The following HS3ST5 variants were observed in gnomAD, a reference collection of about 807,000 sequenced individuals.
HS3ST5 encodes heparan sulfate glucosamine 3-O-sulfotransferase 5.
In HS3ST5, 10 loss-of-function variants were observed where a neutral mutation model predicts 25.4. That is an observed-to-expected ratio of 0.39 (90% confidence interval 0.24 to 0.67). The LOEUF (loss-of-function observed/expected upper bound fraction) is 0.67. Among genes scored for constraint, HS3ST5 ranks in the 30% least tolerant of loss-of-function variants. The pLI is 0.44. For missense variants in HS3ST5, 324 were observed against 420.7 expected (o/e 0.77, Z 2.01); for synonymous variants, 170 against 162.4 (o/e 1.05, Z -0.36).
chr6:114,084,678 TA>T, intron 3 of HS3ST5: 2 of 1,245,586 alleles, frequency 1.6e-6, no homozygotes, highest in Non-Finnish European at 2.3e-6. Flanking sequence ...CTGGGGTCAG[TA>T]ACCACAAGAA....
intron 1 of HS3ST5, among the ~76,000 whole-genome samples, chr6:114,334,226 G>A (rs572626335): frequency 1.3e-5 from 2 of 152,282 alleles, no homozygotes; most frequent in South Asian, 2.1e-4. Context: ...TCAAGGGTGC[G>A]AGGGGACCTT....
chr6:114,295,397 C>T (rs982246671), intron 1 of HS3ST5, among the ~76,000 whole-genome samples: 3 of 152,116 alleles, frequency 2.0e-5, no homozygotes, highest in Non-Finnish European at 4.4e-5. Flanking sequence ...AAGCACTTGA[C>T]ATAGGGTGAG....
chr6:114,278,741 T>C (rs993307532), intron 1 of HS3ST5, among the ~76,000 whole-genome samples: 1 of 151,994 alleles, frequency 6.6e-6, no homozygotes, highest in African/African-American at 2.4e-5. Context: ...TGAGTGAATT[T>C]ATATTAAAAA....
At chr6:114,191,591 T>C (rs1242938716) in intron 2 of HS3ST5, among the ~76,000 whole-genome samples, 1 of 152,164 alleles carries the variant, frequency 6.6e-6, no homozygotes, top group African/African-American at 2.4e-5. Flanking sequence ...AGAGACTTTA[T>C]CTTCATTTCT....
intron 1 of HS3ST5, among the ~76,000 whole-genome samples, chr6:114,332,587 C>T (rs1400214426): frequency 6.6e-6 from 1 of 152,050 alleles, no homozygotes; most frequent in Non-Finnish European, 1.5e-5. Flanking sequence ...CCTATATAAT[C>T]CAGACACTAT....
intron 1 of HS3ST5, among the ~76,000 whole-genome samples, chr6:114,270,411 A>G (rs1773589617): frequency 6.6e-6 from 1 of 152,210 alleles, no homozygotes; most frequent in African/African-American, 2.4e-5. Context: ...ATAAGAGGAA[A>G]CTGCTAAAAT....
At chr6:114,205,666 T>G (rs1433969937) in intron 2 of HS3ST5, among the ~76,000 whole-genome samples, 1 of 152,168 alleles carries the variant, frequency 6.6e-6, no homozygotes, top group Non-Finnish European at 1.5e-5. Flanking sequence ...TCCTCAACCT[T>G]TTTGGCAGCA....
chr6:114,322,123 C>T (rs1419474279), intron 1 of HS3ST5, among the ~76,000 whole-genome samples: 2 of 152,064 alleles, frequency 1.3e-5, no homozygotes, highest in Non-Finnish European at 2.9e-5. Flanking sequence ...AATTTTTAGC[C>T]TTTCAGAATT....
intron 2 of HS3ST5, among the ~76,000 whole-genome samples, chr6:114,196,780 G>C (rs1281765368): frequency 6.6e-6 from 1 of 151,974 alleles, no homozygotes; most frequent in Non-Finnish European, 1.5e-5. Flanking sequence ...TGAAGTTACT[G>C]TTTCGTTTAA....
At chr6:114,314,706 G>T (rs1037102944) in intron 1 of HS3ST5, among the ~76,000 whole-genome samples, 3 of 152,088 alleles carry the variant, frequency 2.0e-5, no homozygotes, top group African/African-American at 7.2e-5. Flanking sequence ...AAAAGATTAA[G>T]AAACACTAAA....
intron 3 of HS3ST5, among the ~76,000 whole-genome samples, chr6:114,095,350 A>G (rs1371006633): frequency 1.3e-5 from 2 of 152,058 alleles, no homozygotes; most frequent in African/African-American, 4.8e-5. Context: ...CCTACCTTTC[A>G]ACCAGTTATT....
chr6:114,291,411 G>A (rs60955954), intron 1 of HS3ST5, among the ~76,000 whole-genome samples: 3,549 of 152,044 alleles, frequency 0.023, 139 homozygotes, highest in African/African-American at 0.077. Context: ...GTAATGGAAA[G>A]AATAGGGAAG....
intron 3 of HS3ST5, among the ~76,000 whole-genome samples, chr6:114,076,415 G>A (rs1194747588): frequency 6.6e-6 from 1 of 152,176 alleles, no homozygotes; most frequent in Non-Finnish European, 1.5e-5. Flanking sequence ...GGAAATTTAT[G>A]CCTGAGGTAC....
At position 114,062,667 on chromosome 6, in the gene HS3ST5, A is replaced by C. The variant is rs909720709; in HGVS notation, c.107+72T>G. On this transcript the variant is annotated intron_variant, in intron 4 of 4. Coordinates refer to ENST00000312719, the MANE Select transcript of HS3ST5 (RefSeq NM_153612.4). Reference sequence around the variant, plus strand: ...GAGAAAAACAAGTGGATAGACTTAAAATTATGTCCTAAGGAAGTTTAAATC... The same window carrying C: ...GAGAAAAACAAGTGGATAGACTTAACATTATGTCCTAAGGAAGTTTAAATC... The C allele has an allele frequency of 1.2e-5, 11 of 942,976 alleles. No homozygotes were observed. In the Admixed American group the frequency reaches 2.1e-4, roughly 18 times the overall value. 58.4% of individuals were successfully genotyped at this position (942,976 alleles called of 1,614,324 possible).
intron 1 of HS3ST5, among the ~76,000 whole-genome samples, chr6:114,306,254 TATAC>T (rs1353123558): frequency 2.7e-5 from 3 of 112,736 alleles, no homozygotes; most frequent in East Asian, 2.0e-4. Flanking sequence ...TATATATATA[TATAC>T]ACACACACAC....
At chr6:114,184,642 A>T (rs1304610016) in intron 2 of HS3ST5, among the ~76,000 whole-genome samples, 2 of 152,214 alleles carry the variant, frequency 1.3e-5, no homozygotes, top group East Asian at 1.9e-4. Context: ...CCTGGTTTCA[A>T]AATGAGGGGC....
chr6:114,145,688 A>G (rs1445201665), intron 3 of HS3ST5, among the ~76,000 whole-genome samples: 3 of 152,208 alleles, frequency 2.0e-5, no homozygotes, highest in African/African-American at 7.2e-5. Context: ...CAGCAGATGC[A>G]GAAGTGAGAG....
At chr6:114,262,446 C>T (rs1407306237) in intron 1 of HS3ST5, among the ~76,000 whole-genome samples, 1 of 151,858 alleles carries the variant, frequency 6.6e-6, no homozygotes, top group Non-Finnish European at 1.5e-5. Flanking sequence ...ACTTGGGAGG[C>T]TGAGGCAGGA....
Position 114,058,140 on chromosome 6 carries a change from T to C in HS3ST5, c.158A>G (p.Gln53Arg). The change falls in exon 5 of 5, where the codon CAG becomes CGG. Residue 53 changes from glutamine (Q) to arginine (R), a missense_variant. This residue lies in a region of HS3ST5 where 121 missense variants were observed against 117.3 expected (regional missense o/e 1.03). Coordinates refer to ENST00000312719, the MANE Select transcript of HS3ST5 (RefSeq NM_153612.4). ...IEGRLGGART[Q>R]AEFPLRALQF... The stretch of plus-strand genomic sequence containing the variant: ...CAGGGCGCGAAGTGGGAATTCAGCC[T>C]GAGTGCGGGCTCCACCCAGTCGACC... 1 of 1,613,324 alleles carries C rather than the reference T, an allele frequency of 6.2e-7. No individual in the cohort carries two copies. Among genetic ancestry groups the C allele is most frequent in the South Asian group, 1.1e-5 (1 of 91,052 alleles).
Sources: gnomAD v4.1 joint callset for allele counts (sites outside exome capture counted in the v4.1 genomes callset) on GRCh38, gnomAD v4.1.1 for gene constraint, gnomAD v4.1.1 regional missense constraint, MANE v1.5 for transcripts, NCBI Gene and HGNC (gene_info 2026-07-23, HGNC 2026-07-21) for gene names.